The following ABCC1 variants were observed in gnomAD, a reference collection of about 807,000 sequenced individuals.
The protein encoded by ABCC1 is multidrug resistance-associated protein 1.
ABCC1 carries 83 observed loss-of-function variants against 172.9 expected under a neutral mutation model. That is an observed-to-expected ratio of 0.48 (90% CI 0.40 to 0.58). The LOEUF (loss-of-function observed/expected upper bound fraction) is 0.58. Ranked by LOEUF, ABCC1 falls within the 20% of genes least tolerant of loss-of-function variation. The pLI is 0.00. For synonymous variants in ABCC1, 937 were observed against 825.2 expected, an observed-to-expected ratio of 1.14 and a Z score of -2.32; for missense variants, 1,817 against 2,002.7, an observed-to-expected ratio of 0.91 and a Z score of 1.77.
At chr16:16,124,116 C>T (rs886990577) in intron 24 of ABCC1, among the ~76,000 whole-genome samples, 2 of 152,112 alleles carry the variant, frequency 1.3e-5, no homozygotes. Flanking sequence ...GGCTTGGGAA[C>T]GTTACAATGA....
intron 1 of ABCC1, among the ~76,000 whole-genome samples, chr16:15,972,033 T>C (rs897220878): frequency 5.9e-5 from 9 of 152,170 alleles, no homozygotes; most frequent in African/African-American, 1.9e-4. Flanking sequence ...CACTCTGTGT[T>C]GTGTGGTATG....
In ABCC1 at chr16:16,134,433, G is replaced by A. The variant is rs753325781; in HGVS notation, c.4050G>A (p.Glu1350=). The A allele has an allele frequency of 1.9e-5, 31 of 1,614,016 alleles. No individual in the cohort carries two copies. Among genetic ancestry groups the A allele is most frequent in the Non-Finnish European group, 2.6e-5 (31 of 1,180,034 alleles). The change falls in exon 28 of 31, where the codon GAG becomes GAA. Residue 1350 remains glutamate, a synonymous_variant. Transcript: ENST00000399410. ...LFRINESAEG[E]IIIDGINIAK... ...GGATCAACGAGTCTGCCGAAGGAGAGATCATCATCGATGGCATCAACATCG... is the reference window on the plus strand; with the variant it reads ...GGATCAACGAGTCTGCCGAAGGAGAAATCATCATCGATGGCATCAACATCG...
Position 16,112,702 on chromosome 16 carries a change from C to T in ABCC1, c.3079+1120C>T, listed in dbSNP as rs1458747668. Among the ~76,000 whole-genome samples the T allele has an allele frequency of 3.9e-5, 6 of 152,308 alleles. No homozygotes were observed. The East Asian group carries it at 5.8e-4, about 15-fold the overall frequency. ...GCTCACGCTGTTATCCACTGTGCTACGCAGTATGTGAGCCATGTTTGCAAA... is the reference window on the plus strand; with the variant it reads ...GCTCACGCTGTTATCCACTGTGCTATGCAGTATGTGAGCCATGTTTGCAAA... On this transcript the variant is annotated intron_variant, in intron 22 of 30. Transcript: ENST00000399410.
chr16:16,039,239 ATGTGTG>A (rs71137905), intron 7 of ABCC1, among the ~76,000 whole-genome samples: 16 of 119,576 alleles, frequency 1.3e-4, no homozygotes, highest in Admixed American at 7.0e-4. Flanking sequence ...GTGTGTATGT[ATGTGTG>A]TGTGTGTGTG....
chr16:15,959,205 A>G (rs552391135), intron 1 of ABCC1, among the ~76,000 whole-genome samples: 1 of 152,322 alleles, frequency 6.6e-6, no homozygotes, highest in African/African-American at 2.4e-5. Flanking sequence ...GCTAGAGAAG[A>G]AACTTGCGGC....
At chr16:15,991,809 C>T (rs1008748770) in intron 1 of ABCC1, among the ~76,000 whole-genome samples, 2 of 152,120 alleles carry the variant, frequency 1.3e-5, no homozygotes, top group South Asian at 4.1e-4. Flanking sequence ...TTCTCTGTCA[C>T]CCCTTTCGTT....
chr16:16,007,205 T>C (rs2047573673), intron 1 of ABCC1, among the ~76,000 whole-genome samples: 1 of 145,758 alleles, frequency 6.9e-6, no homozygotes. Flanking sequence ...TTTTTGTGTG[T>C]ATGCACTGTT....
intron 7 of ABCC1, among the ~76,000 whole-genome samples, chr16:16,040,391 G>A (rs1456052102): frequency 6.6e-6 from 1 of 151,936 alleles, no homozygotes; most frequent in East Asian, 1.9e-4. Context: ...GGGTTCAAGC[G>A]ATTTTCCTGC....
At chr16:16,021,718 G>C (rs1295853448) in intron 5 of ABCC1, among the ~76,000 whole-genome samples, 2 of 151,980 alleles carry the variant, frequency 1.3e-5, no homozygotes, top group African/African-American at 4.8e-5. Flanking sequence ...AACAAACAAC[G>C]AACAAATGAA....
rs113328089 is a variant in ABCC1 at position 16,141,509 on chromosome 16, G to A, written c.*228G>A. 0.022 allele frequency: 11,922 copies of A among 538,082 alleles called. 206 individuals are homozygous for A. The highest frequency in any genetic ancestry group is 0.037 in the Middle Eastern group (74 of 2,006). 33.3% of individuals were successfully genotyped at this position (538,082 alleles called of 1,614,324 possible). Reference sequence around the variant, plus strand: ...CAGAGATGCGAACCACCCAAAACACGCACACCCTGCCCCTGGTGCCCTGAG... The same window carrying A: ...CAGAGATGCGAACCACCCAAAACACACACACCCTGCCCCTGGTGCCCTGAG... On this transcript the variant is annotated 3_prime_UTR_variant, in exon 31 of 31. Coordinates refer to ENST00000399410, the MANE Select transcript of ABCC1 (RefSeq NM_004996.4).
At chr16:16,109,256 A>G (rs928741623) in intron 21 of ABCC1, among the ~76,000 whole-genome samples, 2 of 152,026 alleles carry the variant, frequency 1.3e-5, no homozygotes, top group East Asian at 3.9e-4. Flanking sequence ...CGCTCACTGC[A>G]GCCTTAAGCT....
chr16:16,114,991 T>G lies in ABCC1; in HGVS notation c.3305T>G (p.Ile1102Ser). ...KMFMGSLFNVIGACIVILLAT... is the reference protein window; with the variant it reads ...KMFMGSLFNVSGACIVILLAT... ...TTCATGGGCTCCCTGTTCAACGTCA[T>G]TGGTGCCTGCATCGTTATCCTGCTG... Residue 1102 changes from isoleucine to serine, a missense_variant, in exon 23 of 31, where the codon ATT (isoleucine) becomes AGT (serine). Around this residue, in one of 3 missense-constraint regions of ABCC1, gnomAD observed 1,412 missense variants for 1,600.3 expected, o/e 0.88. Coordinates refer to ENST00000399410, the MANE Select transcript of ABCC1 (RefSeq NM_004996.4). 1 of 1,614,202 alleles carries G rather than the reference T, an allele frequency of 6.2e-7. No individual in the cohort carries two copies. The highest frequency in any genetic ancestry group is 1.1e-5 in the South Asian group (1 of 91,076).
chr16:16,012,443 G>C (rs1057002821), intron 3 of ABCC1, among the ~76,000 whole-genome samples: 1 of 151,820 alleles, frequency 6.6e-6, no homozygotes, highest in Non-Finnish European at 1.5e-5. Flanking sequence ...TCCTGAATTC[G>C]GGTCTTGGGC....
intron 18 of ABCC1, 127 bp downstream of exon 18, chr16:16,087,118 A>G: frequency 8.9e-7 from 1 of 1,118,084 alleles, no homozygotes. Context: ...TTTAAAGAAC[A>G]CATTTCTCAT....
chr16:16,025,599 T>C (rs546932437), intron 5 of ABCC1, among the ~76,000 whole-genome samples: 10 of 152,318 alleles, frequency 6.6e-5, no homozygotes, highest in African/African-American at 2.4e-4. Context: ...AACTAAAAGC[T>C]GAGAGTGTTT....
rs376168120 is a variant in ABCC1, at chr16:16,096,260, G to A, written c.2644+5672G>A. ...AACAAAAAAACAAAAAAAAACTCCC[G>A]AGAAAGAACATCTTTCTGCCCTCAC... On this transcript the variant is annotated intron_variant, in intron 19 of 30. Coordinates refer to ENST00000399410, the MANE Select transcript of ABCC1 (RefSeq NM_004996.4). Among the ~76,000 whole-genome samples, 4 of 151,864 alleles carry A rather than the reference G, an allele frequency of 2.6e-5. No individual in the cohort carries two copies. The East Asian group carries it at 7.7e-4, about 29-fold the overall frequency.
rs554176822 is a variant in ABCC1, at chr16:16,123,090, A to G, written c.3590+916A>G. ...CCATAACCATTAGCCCGTCTTACAC[A>G]CTCTAATCCCATAGCGTAAGTCTGG... On this transcript the variant is annotated intron_variant, in intron 24 of 30. Transcript: ENST00000399410. Among the ~76,000 whole-genome samples, 3 of 152,106 alleles carry G rather than the reference A, an allele frequency of 2.0e-5. No homozygotes were observed. In the South Asian group the frequency reaches 6.2e-4, roughly 32 times the overall value.
At chr16:15,971,300 T>G (rs1013578477) in intron 1 of ABCC1, among the ~76,000 whole-genome samples, 1 of 152,026 alleles carries the variant, frequency 6.6e-6, no homozygotes. Flanking sequence ...ATCTGCACAC[T>G]TGGGGAGGTG....
intron 22 of ABCC1, among the ~76,000 whole-genome samples, chr16:16,111,844 A>C (rs1450473159): frequency 6.6e-6 from 1 of 152,192 alleles, no homozygotes; most frequent in African/African-American, 2.4e-5. Flanking sequence ...TTGAGAACAG[A>C]GGCCTCTGGA....
Sources: gnomAD v4.1 joint callset for allele counts (sites outside exome capture counted in the v4.1 genomes callset) on GRCh38, gnomAD v4.1.1 for gene constraint, gnomAD v4.1.1 regional missense constraint, MANE v1.5 for transcripts, NCBI Gene and HGNC (gene_info 2026-07-23, HGNC 2026-07-21) for gene names.